CNTN4: variants seen among roughly 807,000 people sequenced by gnomAD.
CNTN4 encodes the protein contactin-4.
Under a neutral mutation model 122.5 loss-of-function variants are expected in CNTN4, and 77 were observed. The observed-to-expected ratio is 0.63, with a 90% CI of 0.52 to 0.76. The LOEUF (loss-of-function observed/expected upper bound fraction) is 0.76. Among genes scored for constraint, CNTN4 ranks in the 30% least tolerant of loss-of-function variants. The probability of loss-of-function intolerance (pLI) is 0.00; values close to 1 mark genes in which losing one functional copy is unlikely to be tolerated. For missense variants in CNTN4, 1,256 were observed against 1,259.1 expected, an observed-to-expected ratio of 1.00 and a Z score of 0.04; for synonymous variants, 512 against 447.0, an observed-to-expected ratio of 1.15 and a Z score of -1.83.
chr3:2,511,275 C>T (rs1303053623), intron 3 of CNTN4: 1 of 152,220 alleles, frequency 6.6e-6, no homozygotes, highest in Non-Finnish European at 1.5e-5. Flanking sequence ...AATCTATCAA[C>T]AGCTGTGTGA....
intron 3 of CNTN4, among the ~76,000 whole-genome samples, chr3:2,414,118 G>T (rs1559531256): frequency 6.6e-6 from 1 of 152,184 alleles, no homozygotes; most frequent in Non-Finnish European, 1.5e-5. Flanking sequence ...AATGGTAGAT[G>T]TGACTTTCTG....
At chr3:2,954,058 T>G (rs537866490) in intron 13 of CNTN4, among the ~76,000 whole-genome samples, 2 of 152,350 alleles carry the variant, frequency 1.3e-5, no homozygotes, top group African/African-American at 4.8e-5. Context: ...AATCAACTTT[T>G]CTAAAATATG....
At chr3:2,658,807 C>G (rs2083718601) in intron 4 of CNTN4, among the ~76,000 whole-genome samples, 1 of 151,990 alleles carries the variant, frequency 6.6e-6, no homozygotes, top group Admixed American at 6.6e-5. Context: ...TAGTTTCAAG[C>G]CTTTTTTTAT....
chr3:2,540,913 T>C (rs944324927), intron 3 of CNTN4, among the ~76,000 whole-genome samples: 3 of 152,144 alleles, frequency 2.0e-5, no homozygotes, highest in African/African-American at 7.2e-5. Context: ...ATGGAACCAA[T>C]TGTACCTGTG....
intron 3 of CNTN4, among the ~76,000 whole-genome samples, chr3:2,407,755 A>G (rs1030204224): frequency 3.9e-5 from 6 of 152,186 alleles, no homozygotes; most frequent in Non-Finnish European, 8.8e-5. Flanking sequence ...AACAAATGCA[A>G]TCATGAAAAG....
chr3:2,719,820 A>C (rs2087729953), intron 4 of CNTN4, among the ~76,000 whole-genome samples: 1 of 152,202 alleles, frequency 6.6e-6, no homozygotes, highest in African/African-American at 2.4e-5. Context: ...GTTCTCTCAA[A>C]GACCTTCCAG....
chr3:2,208,265 A>C (rs977856961), intron 2 of CNTN4, among the ~76,000 whole-genome samples: 1 of 152,074 alleles, frequency 6.6e-6, no homozygotes, highest in Non-Finnish European at 1.5e-5. Context: ...ACATTACCAG[A>C]AGTTTGGAAG....
Position 2,289,397 on chromosome 3 carries a change from T to C in CNTN4, c.-144-49781T>C, listed in dbSNP as rs2042052399. Among the ~76,000 whole-genome samples, 2 of 152,212 alleles carry C rather than the reference T, an allele frequency of 1.3e-5. 1 individual carries two copies. The highest frequency in any genetic ancestry group is 4.1e-4 in the South Asian group (2 of 4,838). On this transcript the variant is annotated intron_variant, in intron 2 of 24. Coordinates refer to ENST00000418658, the MANE Select transcript of CNTN4 (RefSeq NM_175607.3). ...TTTGTATGTTTAGTTTTCTCATCTGTGAAATGGCGATAATAATAGTATCTA... is the reference window on the plus strand; with the variant it reads ...TTTGTATGTTTAGTTTTCTCATCTGCGAAATGGCGATAATAATAGTATCTA...
intron 7 of CNTN4, among the ~76,000 whole-genome samples, chr3:2,853,256 T>C (rs932759112): frequency 3.9e-5 from 6 of 152,194 alleles, no homozygotes; most frequent in African/African-American, 1.4e-4. Context: ...TGTTTTGTTT[T>C]GTTTTTGAGA....
chr3:2,208,475 T>C (rs1222072865), intron 2 of CNTN4, among the ~76,000 whole-genome samples: 1 of 152,138 alleles, frequency 6.6e-6, no homozygotes, highest in Admixed American at 6.6e-5. Context: ...CAAAGTGATT[T>C]TCTGAGATGA....
At chr3:2,979,034 T>C (rs1339427546) in intron 13 of CNTN4, among the ~76,000 whole-genome samples, 1 of 152,210 alleles carries the variant, frequency 6.6e-6, no homozygotes, top group African/African-American at 2.4e-5. Context: ...CGGGTACTTT[T>C]CAAAGGTAGA....
chr3:2,634,148 G>A (rs570592261), intron 4 of CNTN4, among the ~76,000 whole-genome samples: 1 of 152,256 alleles, frequency 6.6e-6, no homozygotes, highest in South Asian at 2.1e-4. Context: ...CTACACAAAT[G>A]TATTAGCTTC....
chr3:2,795,656 G>A (rs1280782719), intron 6 of CNTN4, among the ~76,000 whole-genome samples: 1 of 151,920 alleles, frequency 6.6e-6, no homozygotes, highest in African/African-American at 2.4e-5. Flanking sequence ...GAGTAGCTGG[G>A]ACCACAGGCG....
At chr3:2,258,092 A>C (rs2040674657) in intron 2 of CNTN4, among the ~76,000 whole-genome samples, 1 of 152,130 alleles carries the variant, frequency 6.6e-6, no homozygotes, top group Non-Finnish European at 1.5e-5. Context: ...ATCAGGAAAC[A>C]ACAGATGCTG....
At chr3:2,362,569 G>T (rs903394162) in intron 3 of CNTN4, 27 of 579,706 alleles carry the variant, frequency 4.7e-5, no homozygotes, top group Non-Finnish European at 8.2e-5. Flanking sequence ...GGCTGAAGAA[G>T]AAGACAGCAG....
chr3:2,152,156 G>A (rs934971557), intron 2 of CNTN4, among the ~76,000 whole-genome samples: 20 of 152,148 alleles, frequency 1.3e-4, no homozygotes, highest in African/African-American at 4.8e-4. Context: ...AAGTTTGTCA[G>A]ATGGGTATGT....
chr3:2,135,790 T>C (rs934649444), intron 2 of CNTN4, among the ~76,000 whole-genome samples: 1 of 152,206 alleles, frequency 6.6e-6, no homozygotes, highest in African/African-American at 2.4e-5. Context: ...CAAATGGGGT[T>C]ACCATAAGTA....
chr3:2,711,419 TA>T (rs1484370286), intron 4 of CNTN4, among the ~76,000 whole-genome samples: 1 of 152,194 alleles, frequency 6.6e-6, no homozygotes, highest in Non-Finnish European at 1.5e-5. Context: ...ATTTAAAATA[TA>T]TGAAAGCAGA....
intron 8 of CNTN4, among the ~76,000 whole-genome samples, chr3:2,876,911 T>TA (rs1189060939): frequency 6.6e-6 from 1 of 152,176 alleles, no homozygotes; most frequent in African/African-American, 2.4e-5. Context: ...TGCTCATAGT[T>TA]AGGAAAGTTG....
Sources: gnomAD v4.1 joint callset for allele counts (sites outside exome capture counted in the v4.1 genomes callset) on GRCh38, gnomAD v4.1.1 for gene constraint, MANE v1.5 for transcripts, NCBI Gene and HGNC (gene_info 2026-07-23, HGNC 2026-07-21) for gene names.